Variants in FAM89A observed in about 807,000 individuals in gnomAD.
FAM89A encodes the protein protein FAM89A.
FAM89A carries 10 observed loss-of-function variants against 7.1 expected under a neutral mutation model. The ratio of observed to expected loss-of-function variants is 1.40; its 90% CI spans 0.86 to 2.38. FAM89A has a LOEUF of 2.38. Ranked by LOEUF, FAM89A falls within the 30% of genes most tolerant of loss-of-function variation. The pLI is 0.00. For synonymous variants in FAM89A, 157 were observed against 129.3 expected (o/e 1.21, Z -1.45); for missense variants, 276 against 262.8 (o/e 1.05, Z -0.35).
intron 1 of FAM89A, among the ~76,000 whole-genome samples, chr1:231,038,488 T>TCAGA: frequency 6.6e-6 from 1 of 152,270 alleles, no homozygotes; most frequent in South Asian, 2.1e-4. Context: ...CCCCCGTGGT[T>TCAGA]CTGCTATGTC....
chr1:231,021,607 C>T, intron 1 of FAM89A: 1 of 1,467,618 alleles, frequency 6.8e-7, no homozygotes, highest in East Asian at 2.3e-5. Flanking sequence ...CACCAAAGAG[C>T]ACAATGAGTA....
Position 231,021,401 on chromosome 1 carries a change from T to C in FAM89A, c.292-1275A>G, listed in dbSNP as rs116626643. On this transcript the variant is annotated intron_variant, in intron 1 of 1. Coordinates refer to ENST00000366654, the MANE Select transcript of FAM89A (RefSeq NM_198552.3). ...TCTCCTGGGCGGCTGGAGAAGGAGCTTCTTCTCTGGAGTGCGCCGGTGGCA... is the reference window on the plus strand; with the variant it reads ...TCTCCTGGGCGGCTGGAGAAGGAGCCTCTTCTCTGGAGTGCGCCGGTGGCA... Among the ~76,000 whole-genome samples the C allele has an allele frequency of 5.9e-3, 808 of 136,946 alleles. 9 individuals carry two copies. The highest frequency in any genetic ancestry group is 0.019 in the African/African-American group (763 of 40,170). The allele number at this position is 136,946 out of a possible 152,430, so 89.8% of individuals were successfully genotyped here. A position where few individuals can be genotyped will look rare whatever the true frequency, so the allele number is the denominator to read the frequency against.
intron 1 of FAM89A, chr1:231,021,567 T>A: frequency 8.6e-7 from 1 of 1,156,210 alleles, no homozygotes; most frequent in Non-Finnish European, 1.3e-6. Context: ...TTGGTATAGA[T>A]CACTTCCTTT....
intron 1 of FAM89A, among the ~76,000 whole-genome samples, chr1:231,021,161 C>T (rs566554186): frequency 2.0e-5 from 3 of 152,332 alleles, no homozygotes; most frequent in South Asian, 4.1e-4. Context: ...TGAATGGCAA[C>T]GGGAAGAAAC....
chr1:231,038,305 G>A (rs1241173644), intron 1 of FAM89A, among the ~76,000 whole-genome samples: 1 of 152,192 alleles, frequency 6.6e-6, no homozygotes, highest in East Asian at 1.9e-4. Flanking sequence ...AGTCACACCA[G>A]GAGGGACCTG....
At chr1:231,023,792 C>T (rs1679918223) in intron 1 of FAM89A, among the ~76,000 whole-genome samples, 1 of 152,110 alleles carries the variant, frequency 6.6e-6, no homozygotes. Flanking sequence ...GCGTGTCTGC[C>T]CCCTGACTGG....
chr1:231,020,079 G>T lies in FAM89A; in HGVS notation c.339C>A (p.Ser113Arg). The change falls in exon 2 of 2, where the codon AGC (serine) becomes AGA (arginine). Residue 113 changes from serine (S) to arginine (R), a missense_variant. By Grantham distance (110) the Ser-to-Arg change is moderately radical (BLOSUM62 -1). Transcript: ENST00000366654. Reference sequence around the variant, plus strand: ...TGTACTCCTGAATCGACTCGTAGAGGCTGTACAGTTGGCAGAGCAAGGACA... The same window carrying T: ...TGTACTCCTGAATCGACTCGTAGAGTCTGTACAGTTGGCAGAGCAAGGACA... The part of the protein sequence containing the change: ...LDMSLLCQLY[S>R]LYESIQEYKG... 1 of 1,614,024 alleles carries T rather than the reference G, an allele frequency of 6.2e-7. No individual in the cohort carries two copies.
rs1679844017 is a variant in FAM89A at position 231,020,016 on chromosome 1, A to C, written c.402T>G (p.Thr134=). ...ACQAASSPDC[T]YALENGFFDE... ...CGAAGAAGCCGTTCTCCAGAGCGTA[A>C]GTGCAGTCTGGGCTGGAGGCTGCCT... is the stretch of plus-strand genomic sequence containing the variant. The change falls in exon 2 of 2, where the codon ACT becomes ACG. Residue 134 remains threonine (T), a synonymous_variant. Coordinates refer to ENST00000366654, the MANE Select transcript of FAM89A (RefSeq NM_198552.3). 1.9e-6 allele frequency: 3 copies of C among 1,614,026 alleles called. No individual in the cohort carries two copies. The African/African-American group carries it at 4.0e-5, about 22-fold the overall frequency.
At chr1:231,030,833 G>T (rs1349739108) in intron 1 of FAM89A, among the ~76,000 whole-genome samples, 4 of 152,172 alleles carry the variant, frequency 2.6e-5, no homozygotes, top group Non-Finnish European at 5.9e-5. Flanking sequence ...TCACCAACCA[G>T]GTGAGGTGAC....
In FAM89A at chr1:231,019,833, T is replaced by C. The variant is rs1203711936; in HGVS notation, c.*30A>G. Reference sequence around the variant, plus strand: ...GACAGCGTGTCCAGTAGGAAGGGCTTCCCAACAGTCACATCCCTCCCAAGA... The same window carrying C: ...GACAGCGTGTCCAGTAGGAAGGGCTCCCCAACAGTCACATCCCTCCCAAGA... On this transcript the variant is annotated 3_prime_UTR_variant, in exon 2 of 2. Transcript: ENST00000366654. 6.3e-7 allele frequency: 1 copy of C among 1,599,468 alleles called. No individual in the cohort carries two copies. Among genetic ancestry groups the C allele is most frequent in the Admixed American group, 1.7e-5 (1 of 59,274 alleles).
chr1:231,029,770 T>C (rs1460190958), intron 1 of FAM89A, among the ~76,000 whole-genome samples: 1 of 152,220 alleles, frequency 6.6e-6, no homozygotes, highest in Non-Finnish European at 1.5e-5. Flanking sequence ...TTCACAGTTA[T>C]CTTTTAAAAA....
At chr1:231,027,226 G>T (rs1323549727) in intron 1 of FAM89A, among the ~76,000 whole-genome samples, 1 of 152,132 alleles carries the variant, frequency 6.6e-6, no homozygotes, top group African/African-American at 2.4e-5. Flanking sequence ...GCCCACCGAG[G>T]TGATGCACCC....
intron 1 of FAM89A, among the ~76,000 whole-genome samples, chr1:231,032,534 A>C (rs1680092897): frequency 6.6e-6 from 1 of 151,930 alleles, no homozygotes; most frequent in Non-Finnish European, 1.5e-5. Flanking sequence ...GGTTATAAGG[A>C]ATGTTAAACA....
At chr1:231,029,720 A>G (rs1027939888) in intron 1 of FAM89A, among the ~76,000 whole-genome samples, 3 of 152,210 alleles carry the variant, frequency 2.0e-5, no homozygotes, top group African/African-American at 7.2e-5. Flanking sequence ...TGAATTTTCT[A>G]AGTTTTCTAT....
At chr1:231,036,887 C>T (rs1680163854) in intron 1 of FAM89A, among the ~76,000 whole-genome samples, 2 of 152,204 alleles carry the variant, frequency 1.3e-5, no homozygotes, top group African/African-American at 4.8e-5. Context: ...TCCCCAAGTG[C>T]CATAATGAAC....
In FAM89A at chr1:231,039,990, G is replaced by C; in HGVS notation, c.222C>G (p.Ala74=). The C allele has an allele frequency of 7.2e-7, 1 of 1,383,834 alleles. No individual in the cohort carries two copies. The highest frequency in any genetic ancestry group is 2.6e-4 in the Middle Eastern group (1 of 3,800). The allele number at this position is 1,383,834 out of a possible 1,614,324, so 85.7% of individuals were successfully genotyped here. A position where few individuals can be genotyped will look rare whatever the true frequency, so the allele number is the denominator to read the frequency against. ...LSRGGPGGGG[A]RAAALPAKPP... ...GCTTGGCGGGCAGCGCTGCCGCCCG[G>C]GCCCCGCCGCCGCCCGGGCCCCCGC... is the stretch of plus-strand genomic sequence containing the variant. Residue 74 remains alanine (A), a synonymous_variant, in exon 1 of 2, where the codon GCC becomes GCG. Coordinates refer to ENST00000366654, the MANE Select transcript of FAM89A (RefSeq NM_198552.3).
intron 1 of FAM89A, among the ~76,000 whole-genome samples, chr1:231,034,641 G>A (rs561613913): frequency 8.6e-5 from 13 of 152,036 alleles, no homozygotes; most frequent in African/African-American, 2.2e-4. Context: ...GCATGGTGGC[G>A]CATGCCTGTA....
chr1:231,021,523 G>A (rs143406993), intron 1 of FAM89A: 27 of 741,828 alleles, frequency 3.6e-5, no homozygotes, highest in African/African-American at 5.3e-5. Context: ...CAGAGGGCAC[G>A]AAAGGTTGAG....
chr1:231,039,999 G>A lies in FAM89A; in HGVS notation c.213C>T (p.Gly71=). 1.4e-6 allele frequency: 2 copies of A among 1,392,388 alleles called. No homozygotes were observed. Among genetic ancestry groups the A allele is most frequent in the South Asian group, 1.6e-5 (1 of 62,706 alleles). 86.3% of individuals were successfully genotyped at this position (1,392,388 alleles called of 1,614,324 possible). ...GCAGCGCTGCCGCCCGGGCCCCGCC[G>A]CCGCCCGGGCCCCCGCGGCTCAGCT... ...QDELSRGGPG[G]GGARAAALPA... Residue 71 remains glycine (G), a synonymous_variant, in exon 1 of 2, where the codon GGC becomes GGT. Coordinates refer to ENST00000366654, the MANE Select transcript of FAM89A (RefSeq NM_198552.3).
Sources: gnomAD v4.1 joint callset for allele counts (sites outside exome capture counted in the v4.1 genomes callset) on GRCh38, gnomAD v4.1.1 for gene constraint, MANE v1.5 for transcripts, NCBI Gene and HGNC (gene_info 2026-07-23, HGNC 2026-07-21) for gene names.